NR6A1: variants seen among roughly 807,000 people sequenced by gnomAD.
NR6A1 encodes the protein retinoic acid receptor-related testis-associated receptor.
NR6A1 carries 7 observed loss-of-function variants against 59.1 expected under a neutral mutation model. That is an observed-to-expected ratio of 0.12 (90% CI 0.07 to 0.22). NR6A1 has a LOEUF of 0.22. NR6A1 is among the 10% of genes least tolerant of loss of function. The pLI is 1.00. For missense variants in NR6A1, 468 were observed against 611.6 expected (o/e 0.77, Z 2.48); for synonymous variants, 243 against 236.1 (o/e 1.03, Z -0.27).
intron 6 of NR6A1, among the ~76,000 whole-genome samples, chr9:124,537,362 C>A (rs1833299979): frequency 6.6e-6 from 1 of 152,208 alleles, no homozygotes; most frequent in Non-Finnish European, 1.5e-5. Flanking sequence ...GCTGGGATTA[C>A]AGGCATGAGC....
chr9:124,744,690 G>A (rs1344015765), intron 1 of NR6A1, among the ~76,000 whole-genome samples: 1 of 152,220 alleles, frequency 6.6e-6, no homozygotes, highest in Non-Finnish European at 1.5e-5. Flanking sequence ...CCTGTCAGAA[G>A]CAGCTACTGA....
chr9:124,528,090 G>T (rs1832990856), intron 7 of NR6A1, among the ~76,000 whole-genome samples: 1 of 152,224 alleles, frequency 6.6e-6, no homozygotes, highest in South Asian at 2.1e-4. Flanking sequence ...AAGCCAAGAA[G>T]GCCCTATCTG....
chr9:124,717,367 G>A (rs192784330), intron 2 of NR6A1, among the ~76,000 whole-genome samples: 3 of 152,190 alleles, frequency 2.0e-5, no homozygotes, highest in African/African-American at 4.8e-5. Flanking sequence ...ACTATGGTAC[G>A]GTCAAAGGAA....
chr9:124,527,284 A>AAG (rs1398757333), intron 7 of NR6A1, among the ~76,000 whole-genome samples: 8 of 152,222 alleles, frequency 5.3e-5, no homozygotes. Flanking sequence ...CATTATTAAG[A>AAG]TACAGCTATT....
chr9:124,690,425 G>A (rs1270063659), intron 2 of NR6A1, among the ~76,000 whole-genome samples: 1 of 152,072 alleles, frequency 6.6e-6, no homozygotes, highest in East Asian at 1.9e-4. Context: ...TGGTTTCTCT[G>A]GAAAAGAAAG....
intron 2 of NR6A1, among the ~76,000 whole-genome samples, chr9:124,567,717 G>A (rs1834305208): frequency 6.6e-6 from 1 of 152,022 alleles, no homozygotes; most frequent in Non-Finnish European, 1.5e-5. Context: ...ACTTAAAAGT[G>A]AGTGGTAAAG....
intron 1 of NR6A1, among the ~76,000 whole-genome samples, chr9:124,767,528 A>C (rs1840971891): frequency 6.6e-6 from 1 of 152,036 alleles, no homozygotes; most frequent in Non-Finnish European, 1.5e-5. Context: ...AAAAAAAAAA[A>C]AGAAAAACCT....
intron 2 of NR6A1, among the ~76,000 whole-genome samples, chr9:124,720,794 T>C (rs1839541951): frequency 6.6e-6 from 1 of 152,146 alleles, no homozygotes; most frequent in African/African-American, 2.4e-5. Context: ...AAAAGTTAAT[T>C]TGTAAAACTA....
chr9:124,599,108 C>A (rs966343921), intron 2 of NR6A1: 5 of 687,660 alleles, frequency 7.3e-6, no homozygotes, highest in African/African-American at 5.3e-5. Context: ...TTCTAGGAGA[C>A]GGTTCTCTGC....
At chr9:124,641,930 A>C (rs1199354294) in intron 2 of NR6A1, among the ~76,000 whole-genome samples, 1 of 152,208 alleles carries the variant, frequency 6.6e-6, no homozygotes, top group Non-Finnish European at 1.5e-5. Context: ...AGTACAGGTA[A>C]AACATACAGG....
intron 2 of NR6A1, among the ~76,000 whole-genome samples, chr9:124,621,957 T>A (rs1271455874): frequency 1.3e-5 from 2 of 152,160 alleles, no homozygotes; most frequent in African/African-American, 4.8e-5. Context: ...CTCGTGCCTA[T>A]AATCTCAGCA....
intron 2 of NR6A1, among the ~76,000 whole-genome samples, chr9:124,631,065 A>G (rs1836427733): frequency 6.6e-6 from 1 of 152,062 alleles, no homozygotes; most frequent in Non-Finnish European, 1.5e-5. Flanking sequence ...TAAATGAATG[A>G]ATATTTCAGG....
chr9:124,548,012 G>C (rs888651060), intron 3 of NR6A1, among the ~76,000 whole-genome samples: 17 of 151,846 alleles, frequency 1.1e-4, no homozygotes, highest in Admixed American at 4.0e-4. Flanking sequence ...GTGATTGCTA[G>C]AAATAAAAGG....
At chr9:124,569,910 T>C (rs920425799) in intron 2 of NR6A1, among the ~76,000 whole-genome samples, 33 of 152,268 alleles carry the variant, frequency 2.2e-4, no homozygotes, top group African/African-American at 7.5e-4. Flanking sequence ...TGAAAACAAG[T>C]GAGCAATTTA....
intron 2 of NR6A1, among the ~76,000 whole-genome samples, chr9:124,644,423 T>C (rs1836872916): frequency 6.6e-6 from 1 of 152,022 alleles, no homozygotes. Context: ...GCTAACTTTT[T>C]GTATTTTTAG....
intron 2 of NR6A1, among the ~76,000 whole-genome samples, chr9:124,630,674 T>C (rs890663517): frequency 1.9e-4 from 25 of 131,422 alleles, no homozygotes; most frequent in African/African-American, 7.7e-4. Flanking sequence ...ACATTTCTTT[T>C]TTTTTTTTTT....
At chr9:124,550,982 G>T (rs942837265) in intron 3 of NR6A1, among the ~76,000 whole-genome samples, 17 of 152,124 alleles carry the variant, frequency 1.1e-4, no homozygotes, top group African/African-American at 4.1e-4. Flanking sequence ...TCCTCAAGTT[G>T]TTCCACCGTT....
rs557339774 is a variant in NR6A1, at chr9:124,561,385, C to T, written c.143-6815G>A. ...CCCAGGTGGTCGAAGATGCAGTGAG[C>T]TGTGATCATGCCACTGCACTCCAGC... is the stretch of plus-strand genomic sequence containing the variant. On this transcript the variant is annotated intron_variant, in intron 2 of 9. Transcript: ENST00000487099. Among the ~76,000 whole-genome samples, 20 of 152,232 alleles carry T rather than the reference C, an allele frequency of 1.3e-4. No homozygotes were observed. The South Asian group carries it at 4.1e-3, about 32-fold the overall frequency.
chr9:124,709,251 G>C (rs766692435), intron 2 of NR6A1, among the ~76,000 whole-genome samples: 1 of 152,044 alleles, frequency 6.6e-6, no homozygotes, highest in Non-Finnish European at 1.5e-5. Context: ...TAATTTCTCT[G>C]TTCTATTTAT....
Sources: allele counts gnomAD v4.1 joint callset (sites outside exome capture counted in the v4.1 genomes callset), GRCh38; gene constraint gnomAD v4.1.1; transcripts MANE v1.5; gene names NCBI Gene and HGNC (gene_info 2026-07-23, HGNC 2026-07-21).